The following EYS variants were observed in gnomAD, a reference collection of about 807,000 sequenced individuals.
The protein encoded by EYS is protein eyes shut homolog.
In EYS, 250 loss-of-function variants were observed where a neutral mutation model predicts 282.1. The ratio of observed to expected loss-of-function variants is 0.89; its 90% CI spans 0.80 to 0.98. EYS has a LOEUF of 0.98. EYS is among the 50% of genes least tolerant of loss of function. The pLI, the probability that EYS is intolerant of heterozygous loss-of-function variation, is 0.00. For missense variants in EYS, 4,016 were observed against 3,709.0 expected, an observed-to-expected ratio of 1.08 and a Z score of -2.15; for synonymous variants, 1,355 against 1,282.9, an observed-to-expected ratio of 1.06 and a Z score of -1.20.
chr6:64,411,753 T>C (rs1773897779), intron 28 of EYS, among the ~76,000 whole-genome samples: 2 of 152,110 alleles, frequency 1.3e-5, no homozygotes, highest in South Asian at 4.1e-4. Context: ...GAGGCTGATT[T>C]AGGAGACCTC....
At chr6:63,857,160 C>G (rs927817146) in intron 36 of EYS, among the ~76,000 whole-genome samples, 2 of 152,112 alleles carry the variant, frequency 1.3e-5, no homozygotes, top group Non-Finnish European at 2.9e-5. Context: ...ATCTTTAATT[C>G]TCAAGGTGAC....
intron 30 of EYS, among the ~76,000 whole-genome samples, chr6:64,286,422 A>G (rs751386952): frequency 1.3e-5 from 2 of 152,188 alleles, no homozygotes; most frequent in Non-Finnish European, 2.9e-5. Context: ...TACAGAGTCA[A>G]TTGAGAGTTA....
intron 31 of EYS, among the ~76,000 whole-genome samples, chr6:64,200,259 C>T (rs144958849): frequency 3.3e-5 from 5 of 151,958 alleles, no homozygotes; most frequent in East Asian, 1.9e-4. Context: ...ATGGTGGACA[C>T]GTGACATGAT....
chr6:65,233,422 C>G (rs190991985), intron 12 of EYS, among the ~76,000 whole-genome samples: 131 of 152,240 alleles, frequency 8.6e-4, no homozygotes, highest in African/African-American at 2.9e-3. Context: ...AGTGTTTTCC[C>G]TGATCATATT....
chr6:65,622,489 T>C (rs1211660200), intron 2 of EYS, among the ~76,000 whole-genome samples: 2 of 152,066 alleles, frequency 1.3e-5, no homozygotes, highest in East Asian at 1.9e-4. Flanking sequence ...TACATTCTTT[T>C]ACACATTATT....
intron 36 of EYS, among the ~76,000 whole-genome samples, chr6:63,815,958 C>T (rs1771167588): frequency 6.6e-6 from 1 of 151,948 alleles, no homozygotes; most frequent in Admixed American, 6.5e-5. Flanking sequence ...AAATCTTAAC[C>T]AGGGATACTA....
At chr6:64,956,807 C>A (rs1769720336) in intron 14 of EYS, among the ~76,000 whole-genome samples, 1 of 152,026 alleles carries the variant, frequency 6.6e-6, no homozygotes, top group Admixed American at 6.6e-5. Context: ...AAAGAAGACA[C>A]ACAAATGGCA....
chr6:65,214,300 CAAGG>C (rs150221547), intron 12 of EYS, among the ~76,000 whole-genome samples: 99 of 147,140 alleles, frequency 6.7e-4, no homozygotes, highest in African/African-American at 2.4e-3. Flanking sequence ...TTCAGTGATA[CAAGG>C]AATGATAAGA....
At chr6:65,416,956 A>G (rs538484849) in intron 5 of EYS, among the ~76,000 whole-genome samples, 2 of 152,148 alleles carry the variant, frequency 1.3e-5, no homozygotes, top group South Asian at 4.1e-4. Context: ...TTGTTTACCT[A>G]TGTTTGATTA....
chr6:65,261,276 T>A (rs1405975256), intron 12 of EYS, among the ~76,000 whole-genome samples: 1 of 151,932 alleles, frequency 6.6e-6, no homozygotes, highest in Non-Finnish European at 1.5e-5. Context: ...TATACATATA[T>A]ATTTACATTC....
chr6:65,562,744 GTTAATT>G (rs1197663690), intron 2 of EYS, among the ~76,000 whole-genome samples: 1 of 152,012 alleles, frequency 6.6e-6, no homozygotes, highest in Non-Finnish European at 1.5e-5. Context: ...TGTTAATTAA[GTTAATT>G]TTATTTCTAT....
intron 22 of EYS, among the ~76,000 whole-genome samples, chr6:64,700,246 A>C (rs1385004840): frequency 1.3e-5 from 2 of 152,014 alleles, no homozygotes; most frequent in Non-Finnish European, 2.9e-5. Context: ...AAATAATAAA[A>C]GCCATATAAG....
chr6:65,559,661 A>T (rs1005165262), intron 2 of EYS, among the ~76,000 whole-genome samples: 17 of 152,182 alleles, frequency 1.1e-4, no homozygotes, highest in African/African-American at 4.1e-4. Context: ...TCATCAAATA[A>T]AGTATACAGT....
At chr6:65,232,914 T>C (rs550617210) in intron 12 of EYS, among the ~76,000 whole-genome samples, 1 of 152,254 alleles carries the variant, frequency 6.6e-6, no homozygotes, top group Non-Finnish European at 1.5e-5. Flanking sequence ...CTGTGACTTT[T>C]TCACTTAGCA....
chr6:64,854,782 C>G (rs1453787377), intron 19 of EYS, among the ~76,000 whole-genome samples: 1 of 151,718 alleles, frequency 6.6e-6, no homozygotes, highest in Non-Finnish European at 1.5e-5. Flanking sequence ...CACTTACCTT[C>G]AATTTTTTTT....
chr6:64,335,332 C>G (rs993611179), intron 29 of EYS, among the ~76,000 whole-genome samples: 3 of 134,012 alleles, frequency 2.2e-5, no homozygotes, highest in Non-Finnish European at 4.6e-5. Flanking sequence ...CTTATCTATA[C>G]TCCCCAACTC....
chr6:64,135,003 T>G (rs1340028285), intron 31 of EYS, among the ~76,000 whole-genome samples: 1 of 152,112 alleles, frequency 6.6e-6, no homozygotes, highest in Non-Finnish European at 1.5e-5. Context: ...AATAGAAGCA[T>G]CTGCAAGACA....
intron 12 of EYS, among the ~76,000 whole-genome samples, chr6:65,266,365 A>G (rs574690031): frequency 4.6e-5 from 7 of 151,898 alleles, no homozygotes; most frequent in Non-Finnish European, 1.0e-4. Flanking sequence ...ACTCTTACAT[A>G]TAAGACTATA....
chr6:64,268,475 C>A (rs946033726), intron 30 of EYS, among the ~76,000 whole-genome samples: 2 of 151,760 alleles, frequency 1.3e-5, no homozygotes, highest in South Asian at 4.2e-4. Context: ...AATGAAAGAA[C>A]AATATAAAGA....
Sources: gnomAD v4.1 joint callset for allele counts (sites outside exome capture counted in the v4.1 genomes callset) on GRCh38, gnomAD v4.1.1 for gene constraint, MANE v1.5 for transcripts, NCBI Gene and HGNC (gene_info 2026-07-23, HGNC 2026-07-21) for gene names.